KLF15: variants seen among roughly 807,000 people sequenced by gnomAD.
KLF15 encodes the protein KLF transcription factor 15.
KLF15 carries 4 observed loss-of-function variants against 24.6 expected under a neutral mutation model. The ratio of observed to expected loss-of-function variants is 0.16; its 90% confidence interval spans 0.08 to 0.37. The LOEUF is 0.37. Ranked by LOEUF, KLF15 falls within the 10% of genes least tolerant of loss-of-function variation. The pLI, the probability that KLF15 is intolerant of heterozygous loss-of-function variation, is 1.00. For synonymous variants in KLF15, 246 were observed against 236.3 expected, an observed-to-expected ratio of 1.04 and a Z score of -0.37; for missense variants, 496 against 560.6, an observed-to-expected ratio of 0.88 and a Z score of 1.16.
the KLF15 span, among the ~76,000 whole-genome samples, chr3:126,316,802 C>T: frequency 2.0e-5 from 3 of 152,032 alleles, no homozygotes; most frequent in Non-Finnish European, 4.4e-5. Flanking sequence ...AGCCCAGGGC[C>T]TGCCTGACTC....
the KLF15 span, among the ~76,000 whole-genome samples, chr3:126,300,083 G>C: frequency 2.1e-4 from 32 of 152,258 alleles, no homozygotes; most frequent in South Asian, 4.8e-3. Context: ...AGCTCCACAG[G>C]GGGGTGAATC....
At chr3:126,355,995 G>A (rs975652284) in intron 1 of KLF15, among the ~76,000 whole-genome samples, 1 of 152,204 alleles carries the variant, frequency 6.6e-6, no homozygotes, top group Non-Finnish European at 1.5e-5. Flanking sequence ...ACGCTGTTCC[G>A]GGCACAGTCC....
chr3:126,326,553 C>T, the KLF15 span, among the ~76,000 whole-genome samples: 3 of 152,216 alleles, frequency 2.0e-5, no homozygotes, highest in Non-Finnish European at 2.9e-5. Flanking sequence ...GCTGGGTTTA[C>T]AGCACTGTTT....
the KLF15 span, among the ~76,000 whole-genome samples, chr3:126,321,489 A>G: frequency 6.6e-6 from 1 of 152,250 alleles, no homozygotes; most frequent in African/African-American, 2.4e-5. Flanking sequence ...GCAGTGCTAC[A>G]GGAGGTATAG....
chr3:126,312,276 G>T, the KLF15 span, among the ~76,000 whole-genome samples: 19 of 152,238 alleles, frequency 1.2e-4, no homozygotes, highest in African/African-American at 4.6e-4. Flanking sequence ...CAGGCTCAAG[G>T]GATCCTCCCA....
At chr3:126,312,688 G>A in the KLF15 span, among the ~76,000 whole-genome samples, 1 of 152,180 alleles carries the variant, frequency 6.6e-6, no homozygotes, top group Non-Finnish European at 1.5e-5. Flanking sequence ...CAGCATCTGT[G>A]AGTTTTCCAG....
At position 126,349,070 on chromosome 3, in the gene KLF15, G is replaced by A. The variant is rs150804250; in HGVS notation, c.1082+2771C>T. ...GCGGGGTCCATCCTCCCTCCTGACT[G>A]CTGTAAGGAGCTGCAGGGGCTCCCT... On this transcript the variant is annotated intron_variant, in intron 2 of 2. Transcript: ENST00000296233. Among the ~76,000 whole-genome samples, 170 of 152,210 alleles carry A rather than the reference G, an allele frequency of 1.1e-3. 1 individual carries two copies. Among genetic ancestry groups the A allele is most frequent in the African/African-American group, 3.9e-3 (163 of 41,518 alleles).
At chr3:126,299,524 C>A in the KLF15 span, among the ~76,000 whole-genome samples, 2 of 151,722 alleles carry the variant, frequency 1.3e-5, no homozygotes, top group Admixed American at 1.3e-4. Flanking sequence ...CCGAGGAGGG[C>A]AGATCACGAG....
At chr3:126,313,707 A>G in the KLF15 span, among the ~76,000 whole-genome samples, 1 of 152,284 alleles carries the variant, frequency 6.6e-6, no homozygotes, top group Middle Eastern at 3.4e-3. Flanking sequence ...CCACACACAG[A>G]CCTGCCTTGT....
At chr3:126,297,993 G>C in the KLF15 span, among the ~76,000 whole-genome samples, 3 of 152,126 alleles carry the variant, frequency 2.0e-5, no homozygotes, top group Admixed American at 6.5e-5. Context: ...TCAAATTGTA[G>C]TTCTACTTTT....
chr3:126,315,652 C>T, the KLF15 span, among the ~76,000 whole-genome samples: 19 of 152,108 alleles, frequency 1.2e-4, no homozygotes, highest in Non-Finnish European at 2.4e-4. Context: ...CTGCTGTCTC[C>T]GGCTGCATCT....
In KLF15 at chr3:126,352,293, G is replaced by T; in HGVS notation, c.630C>A (p.Gly210=). The change falls in exon 2 of 3, where the codon GGC becomes GGA. Residue 210 remains glycine, a synonymous_variant. Coordinates refer to ENST00000296233, the MANE Select transcript of KLF15 (RefSeq NM_014079.4). ...CTGGGATGGGGCCATCAGGCGTGGG[G>T]CCCCCACCTGGGCCCTGGGCACCTC... ...SAGGAQGPGG[G]PTPDGPIPVL... is the part of the protein sequence containing the mutation. 6.5e-7 allele frequency: 1 copy of T among 1,547,330 alleles called. No individual in the cohort carries two copies. Among genetic ancestry groups the T allele is most frequent in the Non-Finnish European group, 8.7e-7 (1 of 1,150,180 alleles).
rs2082590256 is a variant in KLF15 at position 126,352,292 on chromosome 3, G to T, written c.631C>A (p.Pro211Thr). The change falls in exon 2 of 3, where the codon CCC (proline) becomes ACC (threonine). Residue 211 changes from proline to threonine, a missense_variant. Transcript: ENST00000296233. ...AGGAQGPGGG[P>T]TPDGPIPVLL... Reference sequence around the variant, plus strand: ...ACTGGGATGGGGCCATCAGGCGTGGGGCCCCCACCTGGGCCCTGGGCACCT... The same window carrying T: ...ACTGGGATGGGGCCATCAGGCGTGGTGCCCCCACCTGGGCCCTGGGCACCT... 1.9e-6 allele frequency: 3 copies of T among 1,546,440 alleles called. No individual in the cohort carries two copies. The East Asian group carries it at 6.8e-5, about 35-fold the overall frequency.
the KLF15 span, among the ~76,000 whole-genome samples, chr3:126,321,175 G>A: frequency 4.1e-4 from 63 of 152,304 alleles, no homozygotes; most frequent in Non-Finnish European, 6.3e-4. Flanking sequence ...GATGTCTTCT[G>A]CAGAGTGCTC....
chr3:126,315,032 G>A, the KLF15 span, among the ~76,000 whole-genome samples: 62 of 152,228 alleles, frequency 4.1e-4, no homozygotes, highest in African/African-American at 1.4e-3. Flanking sequence ...TTCTGAGATA[G>A]CGTCTGTTCC....
chr3:126,328,159 A>G, the KLF15 span, among the ~76,000 whole-genome samples: 2 of 151,570 alleles, frequency 1.3e-5, no homozygotes, highest in African/African-American at 4.8e-5. Context: ...TAGCTCTCAC[A>G]TATCAGTGAG....
Position 126,352,854 on chromosome 3 carries a change from A to G in KLF15, c.69T>C (p.Gly23=). ...ATGCCCGCCGGCCAACCAGCCTATC[A>G]CCCAGATACCCAACTGGGCATTTTG... is the stretch of plus-strand genomic sequence containing the variant. The part of the protein sequence containing the change: ...SSPKCPVGYL[G]DRLVGRRAYH... The change falls in exon 2 of 3, where the codon GGT becomes GGC. Residue 23 remains glycine, a synonymous_variant. Transcript: ENST00000296233. 6.2e-7 allele frequency: 1 copy of G among 1,612,290 alleles called. No homozygotes were observed.
At position 126,352,421 on chromosome 3, in the gene KLF15, C is replaced by G. The variant is rs1281213893; in HGVS notation, c.502G>C (p.Asp168His). Residue 168 changes from aspartate to histidine, a missense_variant, in exon 2 of 3, where the codon GAT becomes CAT. Physicochemically the swap from Asp to His is moderately conservative, Grantham distance 81 (BLOSUM62 -1). This residue lies in a region of KLF15 where 399 missense variants were observed against 423.1 expected (regional missense o/e 0.94). Transcript: ENST00000296233. ...EVPEGNSKDL[D>H]ACSQLSAGPH... The stretch of plus-strand genomic sequence containing the variant: ...CCAGCTGAGAGCTGGCTGCAGGCAT[C>G]CAAGTCCTTGCTGTTGCCCTCAGGG... The G allele has an allele frequency of 6.2e-7, 1 of 1,613,462 alleles. No individual in the cohort carries two copies. The highest frequency in any genetic ancestry group is 1.3e-5 in the African/African-American group (1 of 74,934).
the KLF15 span, among the ~76,000 whole-genome samples, chr3:126,323,425 AT>A: frequency 1.4e-4 from 5 of 34,920 alleles, no homozygotes; most frequent in African/African-American, 4.3e-4. Context: ...ATATATATAT[AT>A]ATATATATAA....
Sources: allele counts gnomAD v4.1 joint callset (sites outside exome capture counted in the v4.1 genomes callset), GRCh38; gene constraint gnomAD v4.1.1; regional missense constraint gnomAD v4.1.1; transcripts MANE v1.5; gene names NCBI Gene and HGNC (gene_info 2026-07-23, HGNC 2026-07-21).